Variants in CHD1 observed in about 807,000 individuals in gnomAD.
The protein encoded by CHD1 is chromodomain helicase DNA binding protein 1.
CHD1 carries 36 observed loss-of-function variants against 224.2 expected under a neutral mutation model. The ratio of observed to expected loss-of-function variants is 0.16; its 90% CI spans 0.12 to 0.21. The LOEUF is 0.21. Ranked by LOEUF, CHD1 falls within the 10% of genes least tolerant of loss-of-function variation. CHD1 has a pLI of 1.00. For synonymous variants in CHD1, 668 were observed against 658.3 expected, an observed-to-expected ratio of 1.01 and a Z score of -0.23; for missense variants, 1,378 against 1,994.8, an observed-to-expected ratio of 0.69 and a Z score of 5.89.
rs529659580 is a variant in CHD1 at position 98,870,972 on chromosome 5, A to C, written c.3862-169T>G. Among the ~76,000 whole-genome samples, 7 of 152,276 alleles carry C rather than the reference A, an allele frequency of 4.6e-5. No homozygotes were observed. In the East Asian group the frequency reaches 5.8e-4, roughly 13 times the overall value. ...AAAATGTATTTTTTATACGTATGCC[A>C]GAGCCAAAAATTTAATTTTTCTGAG... On this transcript the variant is annotated intron_variant, in intron 28 of 35. Transcript: ENST00000614616.
intron 15 of CHD1, among the ~76,000 whole-genome samples, chr5:98,891,374 G>C (rs1378381528): frequency 1.3e-5 from 2 of 152,090 alleles, no homozygotes; most frequent in African/African-American, 4.8e-5. Flanking sequence ...ACTGGGCCCA[G>C]GTGATACTAG....
At chr5:98,891,742 T>C (rs1419130400) in intron 15 of CHD1, among the ~76,000 whole-genome samples, 1 of 152,040 alleles carries the variant, frequency 6.6e-6, no homozygotes, top group African/African-American at 2.4e-5. Flanking sequence ...AACCAGAAGG[T>C]GGAGGTTGCA....
chr5:98,869,682 A>T, intron 30 of CHD1, 72 bp downstream of exon 30: 1 of 1,516,240 alleles, frequency 6.6e-7, no homozygotes, highest in Non-Finnish European at 9.1e-7. Flanking sequence ...TAAATTTTAA[A>T]TGTAAAGTAC....
chr5:98,922,015 T>C (rs1277357685), intron 2 of CHD1, among the ~76,000 whole-genome samples: 1 of 152,054 alleles, frequency 6.6e-6, no homozygotes, highest in African/African-American at 2.4e-5. Context: ...TAGCGGGGCA[T>C]GGTGGCGGGC....
intron 25 of CHD1, 23 bp from the exon 26 acceptor site, chr5:98,873,746 T>C: frequency 1.3e-6 from 2 of 1,590,150 alleles, no homozygotes; most frequent in Non-Finnish European, 1.7e-6. Flanking sequence ...AATCCAATTT[T>C]CAGGTAAATA....
At chr5:98,922,439 AATAGTTATAG>A (rs1753160939) in intron 2 of CHD1, among the ~76,000 whole-genome samples, 1 of 152,220 alleles carries the variant, frequency 6.6e-6, no homozygotes, top group African/African-American at 2.4e-5. Flanking sequence ...CCTTTCAGTG[AATAGTTATAG>A]AGAGATCTCC....
chr5:98,876,313 A>G (rs1454137116), intron 24 of CHD1, 85 bp downstream of exon 24: 2 of 1,384,284 alleles, frequency 1.4e-6, no homozygotes, highest in South Asian at 1.3e-5. Context: ...ACTTCATCAC[A>G]ATTTTTGAAA....
chr5:98,923,873 G>A (rs572387071), intron 2 of CHD1, among the ~76,000 whole-genome samples: 1 of 152,112 alleles, frequency 6.6e-6, no homozygotes, highest in South Asian at 2.1e-4. Context: ...ATTTACTCTC[G>A]AGTCTTATCT....
Position 98,903,884 on chromosome 5 carries a change from G to C in CHD1, c.280C>G (p.Leu94Val). The change falls in exon 4 of 36, where the codon CTG (leucine) becomes GTG (valine). Residue 94 changes from leucine to valine, a missense_variant. Leu to Val is a conservative substitution (Grantham distance 32, BLOSUM62 1). Transcript: ENST00000614616. The part of the protein sequence containing the change: ...AEFWKSSPSI[L>V]AVQRSAILKK... ...AGGATTGCAGATCTCTGAACGGCCA[G>C]AATACTAGGACTAGATTTCCAAAAC... 6.2e-7 allele frequency: 1 copy of C among 1,607,844 alleles called. No individual in the cohort carries two copies. The highest frequency in any genetic ancestry group is 8.5e-7 in the Non-Finnish European group (1 of 1,176,240).
rs1210393760 is a variant in CHD1 at position 98,928,520 on chromosome 5, C to T, written c.-149+19G>A. 6.6e-6 allele frequency: 1 copy of T among 152,048 alleles called. No individual in the cohort carries two copies. The highest frequency in any genetic ancestry group is 1.5e-5 in the Non-Finnish European group (1 of 67,992). 9.4% of individuals were successfully genotyped at this position (152,048 alleles called of 1,614,324 possible). ...TCCTCTCCGCCACATCCTGACCCGC[C>T]CGCCGCCCCCTTTCTTACCGGCGGG... On this transcript the variant is annotated intron_variant, in intron 1 of 35. Transcript: ENST00000614616.
chr5:98,926,568 T>C (rs1337714800), intron 1 of CHD1, 34 bp from the exon 2 acceptor site: 1 of 394,144 alleles, frequency 2.5e-6, no homozygotes. Flanking sequence ...TAACAAAATT[T>C]CCTGCAGAAA....
At chr5:98,875,006 CAAAT>C in intron 25 of CHD1, 62 bp downstream of exon 25, 3 of 826,762 alleles carry the variant, frequency 3.6e-6, no homozygotes, top group East Asian at 2.7e-5. Context: ...AATGTTAATA[CAAAT>C]AAATAAAGGT....
intron 28 of CHD1, among the ~76,000 whole-genome samples, chr5:98,871,791 A>G (rs1749372075): frequency 1.3e-5 from 2 of 152,200 alleles, no homozygotes; most frequent in African/African-American, 4.8e-5. Flanking sequence ...TAATGATGGA[A>G]TAAGACTTTT....
intron 31 of CHD1, among the ~76,000 whole-genome samples, chr5:98,864,900 T>C (rs1241317937): frequency 6.6e-6 from 1 of 152,210 alleles, no homozygotes; most frequent in African/African-American, 2.4e-5. Flanking sequence ...ATCCAACATA[T>C]GTAAGTTTAG....
At chr5:98,858,438 C>A in intron 34 of CHD1, 48 bp from the exon 35 acceptor site, 1 of 1,473,562 alleles carries the variant, frequency 6.8e-7, no homozygotes, top group Admixed American at 1.9e-5. Flanking sequence ...AATAATGTGG[C>A]AAAAAAAACT....
intron 19 of CHD1, 81 bp from the exon 20 acceptor site, chr5:98,882,204 C>A: frequency 8.8e-7 from 1 of 1,134,762 alleles, no homozygotes. Context: ...CACTGGCACA[C>A]AAATTGAAGC....
intron 5 of CHD1, among the ~76,000 whole-genome samples, chr5:98,902,530 T>G (rs947796939): frequency 1.3e-5 from 2 of 152,012 alleles, no homozygotes; most frequent in Non-Finnish European, 2.9e-5. Context: ...TGCAACTGAA[T>G]AGTAAGGATA....
chr5:98,928,938 C>A lies in CHD1; in HGVS notation c.-548G>T. The A allele has an allele frequency of 6.5e-6, 1 of 153,860 alleles. No homozygotes were observed. The highest frequency in any genetic ancestry group is 1.8e-4 in the South Asian group (1 of 5,650). The allele number at this position is 153,860 out of a possible 1,614,324, so 9.5% of individuals were successfully genotyped here. A position where few individuals can be genotyped will look rare whatever the true frequency, so the allele number is the denominator to read the frequency against. Reference sequence around the variant, plus strand: ...TCGTAGCCGCCGCCGCCACCGAGGTCGCCGTCGCCTCCGCCTCCCGCGCGA... The same window carrying A: ...TCGTAGCCGCCGCCGCCACCGAGGTAGCCGTCGCCTCCGCCTCCCGCGCGA... On this transcript the variant is annotated 5_prime_UTR_variant, in exon 1 of 36. Coordinates refer to ENST00000614616, the MANE Select transcript of CHD1 (RefSeq NM_001270.4).
intron 26 of CHD1, among the ~76,000 whole-genome samples, 164 bp downstream of exon 26, chr5:98,873,429 T>C (rs1340228600): frequency 6.6e-6 from 1 of 152,192 alleles, no homozygotes; most frequent in South Asian, 2.1e-4. Flanking sequence ...CGAATTGCAA[T>C]TCTGTTCTCC....
Sources: gnomAD v4.1 joint callset for allele counts (sites outside exome capture counted in the v4.1 genomes callset) on GRCh38, gnomAD v4.1.1 for gene constraint, MANE v1.5 for transcripts, NCBI Gene and HGNC (gene_info 2026-07-23, HGNC 2026-07-21) for gene names.